The following NMNAT3 variants were observed in gnomAD, a reference collection of about 807,000 sequenced individuals.
The protein encoded by NMNAT3 is nicotinamide/nicotinic acid mononucleotide adenylyltransferase 3.
A neutral mutation model predicts 24.8 loss-of-function variants in NMNAT3; 21 were observed. That is an observed-to-expected ratio of 0.85 (90% CI 0.60 to 1.22). The LOEUF (loss-of-function observed/expected upper bound fraction) is 1.22. Among genes scored for constraint, NMNAT3 ranks in the 50% most tolerant of loss-of-function variants. NMNAT3 has a pLI of 0.00. For synonymous variants in NMNAT3, 136 were observed against 155.2 expected, an observed-to-expected ratio of 0.88 and a Z score of 0.92; for missense variants, 387 against 436.6, an observed-to-expected ratio of 0.89 and a Z score of 1.01.
intron 6 of NMNAT3, chr3:139,566,096 A>G (rs1351590666): frequency 2.0e-5 from 3 of 151,760 alleles, no homozygotes; most frequent in Non-Finnish European, 4.4e-5. Flanking sequence ...TTTGATTTGC[A>G]TTTCTCTGAT....
intron 3 of NMNAT3, among the ~76,000 whole-genome samples, chr3:139,626,084 T>C (rs1197864739): frequency 6.6e-6 from 1 of 152,156 alleles, no homozygotes; most frequent in East Asian, 1.9e-4. Context: ...TTGATTATTA[T>C]ATTTTTCAGT....
chr3:139,560,844 G>T lies in NMNAT3; in HGVS notation c.*166C>A, dbSNP rs1434756295. ...ATTTAGACCTTTCCTCTCCTGTAAA[G>T]AAGGTATCTCTTCCTGGGACAGAAG... is the stretch of plus-strand genomic sequence containing the variant. On this transcript the variant is annotated 3_prime_UTR_variant, in exon 7 of 7. Coordinates refer to ENST00000643695, the MANE Select transcript of NMNAT3 (RefSeq NM_001320510.2). The T allele has an allele frequency of 1.1e-5, 7 of 652,634 alleles. No homozygotes were observed. Among genetic ancestry groups the T allele is most frequent in the Non-Finnish European group, 1.8e-5 (7 of 380,610 alleles). The allele number at this position is 652,634 out of a possible 1,614,324, so 40.4% of individuals were successfully genotyped here.
intron 3 of NMNAT3, among the ~76,000 whole-genome samples, chr3:139,621,446 G>A (rs1006355664): frequency 2.6e-5 from 4 of 152,066 alleles, no homozygotes; most frequent in Non-Finnish European, 5.9e-5. Context: ...ACATGATCTC[G>A]GCTCACTGCA....
At chr3:139,643,940 G>A (rs1224795700) in intron 1 of NMNAT3, among the ~76,000 whole-genome samples, 1 of 152,168 alleles carries the variant, frequency 6.6e-6, no homozygotes, top group Non-Finnish European at 1.5e-5. Flanking sequence ...AGGCTTCAAT[G>A]CCATTGCATT....
At chr3:139,610,559 C>T (rs902511395) in intron 3 of NMNAT3, among the ~76,000 whole-genome samples, 1 of 152,108 alleles carries the variant, frequency 6.6e-6, no homozygotes, top group Non-Finnish European at 1.5e-5. Context: ...TTTTTCAGAC[C>T]AGGCTGGAGA....
chr3:139,575,261 C>T (rs988993888), intron 5 of NMNAT3, among the ~76,000 whole-genome samples: 2 of 152,132 alleles, frequency 1.3e-5, no homozygotes, highest in African/African-American at 4.8e-5. Flanking sequence ...TCAGCAGAGT[C>T]TTCTTAGAGC....
chr3:139,599,054 T>C (rs2054597645), intron 3 of NMNAT3: 6 of 452,538 alleles, frequency 1.3e-5, no homozygotes, highest in Non-Finnish European at 2.3e-5. Flanking sequence ...AATAAAATGT[T>C]ATTGCTGCTT....
chr3:139,591,116 C>G (rs886624212), intron 3 of NMNAT3, among the ~76,000 whole-genome samples: 2 of 150,784 alleles, frequency 1.3e-5, no homozygotes, highest in Non-Finnish European at 3.0e-5. Flanking sequence ...GTGTGCGCAC[C>G]GTGCGCGAGC....
chr3:139,565,975 AC>A (rs1162237245), intron 6 of NMNAT3: 1 of 152,204 alleles, frequency 6.6e-6, no homozygotes. Flanking sequence ...TTACAGTCCC[AC>A]CAAAGTGTAA....
At chr3:139,572,875 T>C (rs1402990193) in intron 6 of NMNAT3, among the ~76,000 whole-genome samples, 1 of 152,198 alleles carries the variant, frequency 6.6e-6, no homozygotes, top group African/African-American at 2.4e-5. Flanking sequence ...TAAACTCTTC[T>C]ATTCTGGAAG....
At chr3:139,672,973 G>T (rs1418197059) in intron 1 of NMNAT3, among the ~76,000 whole-genome samples, 1 of 152,162 alleles carries the variant, frequency 6.6e-6, no homozygotes, top group Non-Finnish European at 1.5e-5. Context: ...TAGGATCACT[G>T]CCAGCTCACC....
In NMNAT3 at chr3:139,578,882, T is replaced by C; in HGVS notation, c.565A>G (p.Lys189Glu). The C allele has an allele frequency of 6.2e-7, 1 of 1,613,918 alleles. No homozygotes were observed. Among genetic ancestry groups the C allele is most frequent in the Non-Finnish European group, 8.5e-7 (1 of 1,179,860 alleles). The change falls in exon 5 of 7, where the codon AAG becomes GAG. Residue 189 changes from lysine (K) to glutamate (E), a missense_variant. Lys to Glu is a moderately conservative substitution (Grantham distance 56, BLOSUM62 1). Coordinates refer to ENST00000643695, the MANE Select transcript of NMNAT3 (RefSeq NM_001320510.2). Reference sequence around the variant, plus strand: ...AGTGACTACCATTACCTCAGCACCTTCACTGTCTCCATCCACTGTGCCTGC... The same window carrying C: ...AGTGACTACCATTACCTCAGCACCTCCACTGTCTCCATCCACTGTGCCTGC...
rs548298248 is a variant in NMNAT3, at chr3:139,622,543, A to G, written c.109+5073T>C. 1.1e-3 allele frequency among the ~76,000 whole-genome samples: 166 copies of G among 151,370 alleles called. No homozygotes were observed. The Middle Eastern group carries it at 0.014, about 12-fold the overall frequency. ...AGGTCAGGAGTTCAAGACCAGCCTG[A>G]CCAATATGATGAAACCCCATCTTTA... On this transcript the variant is annotated intron_variant, in intron 3 of 6. Coordinates refer to ENST00000643695, the MANE Select transcript of NMNAT3 (RefSeq NM_001320510.2).
At chr3:139,640,073 T>G (rs1271060398) in intron 1 of NMNAT3, among the ~76,000 whole-genome samples, 1 of 152,214 alleles carries the variant, frequency 6.6e-6, no homozygotes, top group East Asian at 1.9e-4. Flanking sequence ...GGTGGGACAG[T>G]GCATGGTGGG....
At chr3:139,612,163 G>A (rs1175524195) in intron 3 of NMNAT3, among the ~76,000 whole-genome samples, 3 of 90,668 alleles carry the variant, frequency 3.3e-5, no homozygotes, top group Non-Finnish European at 4.8e-5. Context: ...GCAAAACTCC[G>A]TCTCAAAAAA....
chr3:139,590,258 A>C (rs2054105771), intron 3 of NMNAT3, among the ~76,000 whole-genome samples: 1 of 152,220 alleles, frequency 6.6e-6, no homozygotes, highest in Admixed American at 6.5e-5. Flanking sequence ...AAAAACCCAA[A>C]GTTTATATGG....
At chr3:139,639,630 T>C (rs1347021801) in intron 1 of NMNAT3, among the ~76,000 whole-genome samples, 3 of 152,198 alleles carry the variant, frequency 2.0e-5, no homozygotes, top group African/African-American at 7.2e-5. Context: ...CATCCTCCTG[T>C]GGGAATTGTA....
chr3:139,663,920 C>T (rs1442540964), intron 1 of NMNAT3, among the ~76,000 whole-genome samples: 4 of 152,156 alleles, frequency 2.6e-5, no homozygotes, highest in African/African-American at 9.7e-5. Context: ...TGTCTTCACC[C>T]CAATGCCCTC....
chr3:139,672,237 G>A (rs1196358034), intron 1 of NMNAT3, among the ~76,000 whole-genome samples: 7 of 152,052 alleles, frequency 4.6e-5, no homozygotes, highest in Non-Finnish European at 5.9e-5. Context: ...CCTCATCCCC[G>A]GGCTCTGTCC....
Sources: gnomAD v4.1 joint callset for allele counts (sites outside exome capture counted in the v4.1 genomes callset) on GRCh38, gnomAD v4.1.1 for gene constraint, MANE v1.5 for transcripts, NCBI Gene and HGNC (gene_info 2026-07-23, HGNC 2026-07-21) for gene names.